CIZ1: variants seen among roughly 807,000 people sequenced by gnomAD.
CIZ1 encodes the protein cip1-interacting zinc finger protein.
Under a neutral mutation model 118.6 loss-of-function variants are expected in CIZ1, and 58 were observed. The observed-to-expected ratio is 0.49, with a 90% CI of 0.40 to 0.61. The LOEUF is 0.61. Ranked by LOEUF, CIZ1 falls within the 20% of genes least tolerant of loss-of-function variation. The probability of loss-of-function intolerance (pLI) is 0.00; values close to 1 mark genes in which losing one functional copy is unlikely to be tolerated. For synonymous variants in CIZ1, 448 were observed against 443.4 expected (o/e 1.01, Z -0.13); for missense variants, 921 against 1,115.9 (o/e 0.83, Z 2.49).
At chr9:128,177,344 A>C (rs1830991141) in intron 10 of CIZ1, among the ~76,000 whole-genome samples, 1 of 152,102 alleles carries the variant, frequency 6.6e-6, no homozygotes, top group South Asian at 2.1e-4. Flanking sequence ...AGCTGAGATC[A>C]TGCCACTGCA....
At chr9:128,197,462 C>T (rs1231363985) in intron 1 of CIZ1, 4 of 151,742 alleles carry the variant, frequency 2.6e-5, no homozygotes, top group African/African-American at 7.3e-5. Context: ...TACATAAGAC[C>T]ATATGCTTAT....
upstream of CIZ1, among the ~76,000 whole-genome samples, chr9:128,194,881 G>A (rs1267393825): frequency 2.6e-5 from 4 of 152,124 alleles, no homozygotes; most frequent in Non-Finnish European, 5.9e-5. Flanking sequence ...GCAGTGGCAC[G>A]ATCATAGCTC....
At chr9:128,185,892 C>A in intron 4 of CIZ1, 116 bp from the exon 5 acceptor site, 1 of 767,674 alleles carries the variant, frequency 1.3e-6, no homozygotes, top group Non-Finnish European at 2.2e-6. Context: ...TGAAAGGGAC[C>A]TTCCCACCCA....
At chr9:128,191,707 C>A (rs1833180116), upstream of CIZ1, 1 of 1,307,638 alleles carries the variant, frequency 7.6e-7, no homozygotes, top group Admixed American at 4.0e-5. This position sits in a 1 kb window ranked among gnomAD's most constrained non-coding sequence, Gnocchi z 5.5. Flanking sequence ...CTAGCAGGTG[C>A]GAGGGGGTCC....
rs763127027 is a variant in CIZ1 at position 128,180,706 on chromosome 9, G to A, written c.682+15C>T. The A allele has an allele frequency of 3.8e-6, 6 of 1,585,290 alleles. No individual in the cohort carries two copies. The highest frequency in any genetic ancestry group is 5.2e-6 in the Non-Finnish European group (6 of 1,160,970). On this transcript the variant is annotated intron_variant, in intron 6 of 16. Coordinates refer to ENST00000372938, the MANE Select transcript of CIZ1 (RefSeq NM_001131016.2). ...TTCATGTCCCTCTGAAGGGCCAGCA[G>A]CCTCCCTCCCTCACCTTCTGGTGTG...
In CIZ1 at chr9:128,166,471, G is replaced by T; in HGVS notation, c.2488-65C>A. 1.6e-6 allele frequency: 2 copies of T among 1,279,602 alleles called. No homozygotes were observed. Among genetic ancestry groups the T allele is most frequent in the Non-Finnish European group, 2.1e-6 (2 of 931,464 alleles). The allele number at this position is 1,279,602 out of a possible 1,614,324, so 79.3% of individuals were successfully genotyped here. A position where few individuals can be genotyped will look rare whatever the true frequency, so the allele number is the denominator to read the frequency against. On this transcript the variant is annotated intron_variant, in intron 16 of 16. Transcript: ENST00000372938. This position sits in a 1 kb window ranked among gnomAD's most constrained non-coding sequence, Gnocchi z 4.4. ...CTACATGGTATGCTCCTGGCCAGCA[G>T]CTACTTCCCCAGCTCTGGCTGAGAC...
Position 128,177,768 on chromosome 9 carries a change from A to T in CIZ1, c.1621-5T>A. On this transcript the variant is annotated splice_polypyrimidine_tract_variant and splice_region_variant and intron_variant, in intron 9 of 16. Coordinates refer to ENST00000372938, the MANE Select transcript of CIZ1 (RefSeq NM_001131016.2). ...GGAGCCCCCGGCGCCCCATACCTGC[A>T]TGGGGAGTAGGAACTGAACTTCCAT... 6.3e-7 allele frequency: 1 copy of T among 1,582,330 alleles called. No homozygotes were observed. Among genetic ancestry groups the T allele is most frequent in the Non-Finnish European group, 8.6e-7 (1 of 1,165,274 alleles).
intron 14 of CIZ1, among the ~76,000 whole-genome samples, chr9:128,167,935 G>C (rs1177293977): frequency 6.6e-6 from 1 of 152,212 alleles, no homozygotes; most frequent in African/African-American, 2.4e-5. Flanking sequence ...GAGGCTCAGA[G>C]AGGCCAAGTG....
chr9:128,174,408 C>T (rs1830608768), intron 11 of CIZ1, among the ~76,000 whole-genome samples: 1 of 152,202 alleles, frequency 6.6e-6, no homozygotes, highest in Non-Finnish European at 1.5e-5. Context: ...TACCTGGTGC[C>T]CACTGTAGTG....
At chr9:128,180,175 C>A (rs1278092675) in intron 7 of CIZ1, among the ~76,000 whole-genome samples, 2 of 152,182 alleles carry the variant, frequency 1.3e-5, no homozygotes, top group South Asian at 2.1e-4. Context: ...CCCTCCCACG[C>A]AGCCATCCAG....
intron 3 of CIZ1, among the ~76,000 whole-genome samples, chr9:128,188,550 C>A (rs1401219154): frequency 6.6e-6 from 1 of 152,106 alleles, no homozygotes; most frequent in Non-Finnish European, 1.5e-5. Context: ...TGGCCTCAAG[C>A]AAATCTCCTG....
At chr9:128,189,216 C>T (rs750343967) in intron 3 of CIZ1, among the ~76,000 whole-genome samples, 7 of 151,990 alleles carry the variant, frequency 4.6e-5, no homozygotes, top group South Asian at 2.1e-4. Context: ...GGATTACAGG[C>T]GTGAGCCACA....
chr9:128,168,967 G>A (rs1330065866), intron 14 of CIZ1, 85 bp downstream of exon 14: 1 of 1,586,068 alleles, frequency 6.3e-7, no homozygotes, highest in Non-Finnish European at 8.6e-7. Flanking sequence ...CCAGCCCAGT[G>A]TCTGGCCTCC....
chr9:128,166,883 G>C lies in CIZ1; in HGVS notation c.2366-3C>G. 6.2e-7 allele frequency: 1 copy of C among 1,614,218 alleles called. No homozygotes were observed. The highest frequency in any genetic ancestry group is 8.5e-7 in the Non-Finnish European group (1 of 1,180,030). ...CACGGGCACCAGGAAGTCCACACCTGTAGGATGGGATGGCAGGGTCTGCAC... is the reference window on the plus strand; with the variant it reads ...CACGGGCACCAGGAAGTCCACACCTCTAGGATGGGATGGCAGGGTCTGCAC... On this transcript the variant is annotated splice_polypyrimidine_tract_variant and splice_region_variant and intron_variant, in intron 15 of 16. Coordinates refer to ENST00000372938, the MANE Select transcript of CIZ1 (RefSeq NM_001131016.2). The surrounding 1 kb of genome is among the most constrained non-coding windows in gnomAD (Gnocchi z 4.4).
chr9:128,173,330 A>G (rs1830391069), intron 11 of CIZ1, among the ~76,000 whole-genome samples: 1 of 151,848 alleles, frequency 6.6e-6, no homozygotes, highest in Non-Finnish European at 1.5e-5. Flanking sequence ...ATTTTTTAGT[A>G]GAGACGGGGT....
At position 128,177,546 on chromosome 9, in the gene CIZ1, C is replaced by CCAATAAACAGG; in HGVS notation, c.1818+19_1818+20insCCTGTTTATTG. The CCAATAAACAGG allele has an allele frequency of 7.4e-7, 1 of 1,353,458 alleles. No homozygotes were observed. Among genetic ancestry groups the CCAATAAACAGG allele is most frequent in the Non-Finnish European group, 9.9e-7 (1 of 1,013,754 alleles). The allele number at this position is 1,353,458 out of a possible 1,614,324, so 83.8% of individuals were successfully genotyped here. ...CACGCAGGCCCCACCCCTCCCCACCCTTATCTCCTGTATCAGTACCTGCTG... is the reference window on the plus strand; with the variant it reads ...CACGCAGGCCCCACCCCTCCCCACCCCAATAAACAGGTTATCTCCTGTATCAGTACCTGCTG... On this transcript the variant is annotated intron_variant, in intron 10 of 16. Coordinates refer to ENST00000372938, the MANE Select transcript of CIZ1 (RefSeq NM_001131016.2).
At chr9:128,187,178 T>TGATCC (rs1832488241) in intron 4 of CIZ1, among the ~76,000 whole-genome samples, 1 of 152,124 alleles carries the variant, frequency 6.6e-6, no homozygotes, top group Admixed American at 6.6e-5. Context: ...GACCTCAGGG[T>TGATCC]GATCCGCCCA....
At position 128,178,968 on chromosome 9, in the gene CIZ1, T is replaced by C. The variant is rs372034282; in HGVS notation, c.1239A>G (p.Ser413=). ...VQPQVQPQAH[S]QPPRQVQLQL... ...GCAGCTGCACCTGCCTTGGGGGCTG[T>C]GAATGTGCCTGGGGCTGCACCTGTG... Residue 413 remains serine (S), a synonymous_variant, in exon 8 of 17, where the codon TCA becomes TCG. Coordinates refer to ENST00000372938, the MANE Select transcript of CIZ1 (RefSeq NM_001131016.2). 18 of 1,613,062 alleles carry C rather than the reference T, an allele frequency of 1.1e-5. No homozygotes were observed. Among genetic ancestry groups the C allele is most frequent in the East Asian group, 6.7e-5 (3 of 44,572 alleles).
At chr9:128,180,887 GC>G in intron 5 of CIZ1, 73 bp from the exon 6 acceptor site, 5 of 1,117,960 alleles carry the variant, frequency 4.5e-6, no homozygotes, top group Non-Finnish European at 5.3e-6. Context: ...AAGGGCAGCT[GC>G]CCCCCATCCT....
Sources: gnomAD v4.1 joint callset for allele counts (sites outside exome capture counted in the v4.1 genomes callset) on GRCh38, gnomAD v4.1.1 for gene constraint, Gnocchi (gnomAD v3.1) non-coding constraint, MANE v1.5 for transcripts, NCBI Gene and HGNC (gene_info 2026-07-23, HGNC 2026-07-21) for gene names.